Variants in FAT3 observed in about 807,000 individuals in gnomAD.
FAT3 encodes the protein protocadherin Fat 3.
FAT3 carries 95 observed loss-of-function variants against 310.2 expected under a neutral mutation model. The ratio of observed to expected loss-of-function variants is 0.31; its 90% CI spans 0.26 to 0.36. The LOEUF (loss-of-function observed/expected upper bound fraction) is 0.36. Among genes scored for constraint, FAT3 ranks in the 10% least tolerant of loss-of-function variants. The probability of loss-of-function intolerance (pLI) is 1.00; values close to 1 mark genes in which losing one functional copy is unlikely to be tolerated. For missense variants in FAT3, 5,408 were observed against 5,715.6 expected (o/e 0.95, Z 1.74); for synonymous variants, 2,314 against 2,192.9 (o/e 1.06, Z -1.54).
intron 2 of FAT3, among the ~76,000 whole-genome samples, chr11:92,378,294 C>T (rs1949402299): frequency 6.6e-6 from 1 of 152,084 alleles, no homozygotes; most frequent in African/African-American, 2.4e-5. Context: ...GTGTTTAATG[C>T]TCTCTTGGCC....
At chr11:92,358,337 G>A (rs1270165001) in intron 2 of FAT3, among the ~76,000 whole-genome samples, 1 of 152,012 alleles carries the variant, frequency 6.6e-6, no homozygotes, top group East Asian at 1.9e-4. Context: ...GGTCACATAG[G>A]CTTTAAAGGA....
chr11:92,688,486 C>T (rs139439625), intron 3 of FAT3, among the ~76,000 whole-genome samples: 2 of 152,306 alleles, frequency 1.3e-5, no homozygotes, highest in Admixed American at 6.5e-5. Flanking sequence ...ATTCTCACCC[C>T]TAGCTGAACA....
At chr11:92,297,362 C>T (rs1946877025) in intron 1 of FAT3, among the ~76,000 whole-genome samples, 1 of 152,102 alleles carries the variant, frequency 6.6e-6, no homozygotes, top group African/African-American at 2.4e-5. Context: ...CCCCTAGTAT[C>T]TAACACTGAG....
Position 92,392,503 on chromosome 11 carries a change from C to G in FAT3, c.3292+37099C>G, listed in dbSNP as rs191312775. Among the ~76,000 whole-genome samples, 299 of 152,182 alleles carry G rather than the reference C, an allele frequency of 2.0e-3. 2 individuals carry two copies. Among genetic ancestry groups the G allele is most frequent in the African/African-American group, 6.8e-3 (282 of 41,534 alleles). On this transcript the variant is annotated intron_variant, in intron 2 of 27. Coordinates refer to ENST00000525166, the MANE Select transcript of FAT3 (RefSeq NM_001367949.2). ...CTGACCGCAATTTATCCTTGGGACT[C>G]AGGGTATCTGTCTCTTGCTCTCTAC...
At chr11:92,691,069 G>C (rs1161252855) in intron 3 of FAT3, among the ~76,000 whole-genome samples, 1 of 152,162 alleles carries the variant, frequency 6.6e-6, no homozygotes, top group South Asian at 2.1e-4. Context: ...GCACTGCCGG[G>C]CACAGAACCA....
In FAT3 at chr11:92,540,641, C is replaced by T. The variant is rs571881890; in HGVS notation, c.3607+15693C>T. On this transcript the variant is annotated intron_variant, in intron 3 of 27. Coordinates refer to ENST00000525166, the MANE Select transcript of FAT3 (RefSeq NM_001367949.2). ...TCTGTGTCTTCAAGTTGTTCATATA[C>T]CTTCAAAGTAGTGTTCATGCAAGTT... Among the ~76,000 whole-genome samples, 22 of 152,218 alleles carry T rather than the reference C, an allele frequency of 1.4e-4. No homozygotes were observed. In the South Asian group the frequency reaches 4.6e-3, roughly 32 times the overall value.
intron 13 of FAT3, among the ~76,000 whole-genome samples, chr11:92,826,974 C>A (rs1948119428): frequency 6.6e-6 from 1 of 152,090 alleles, no homozygotes; most frequent in Non-Finnish European, 1.5e-5. Flanking sequence ...TTTTAAAGAC[C>A]AGATCAAAAA....
intron 10 of FAT3, 88 bp downstream of exon 10, chr11:92,801,997 G>A: frequency 7.8e-7 from 1 of 1,274,436 alleles, no homozygotes; most frequent in Non-Finnish European, 1.1e-6. Context: ...AGAGAAGGAA[G>A]ATGGGATAAG....
intron 3 of FAT3, among the ~76,000 whole-genome samples, chr11:92,661,680 A>G (rs1363864146): frequency 2.0e-5 from 3 of 152,128 alleles, no homozygotes; most frequent in Admixed American, 6.5e-5. Flanking sequence ...GGAAGCATCA[A>G]GAAATTCATG....
intron 3 of FAT3, among the ~76,000 whole-genome samples, chr11:92,641,561 G>A (rs1360281076): frequency 2.6e-5 from 4 of 152,074 alleles, no homozygotes; most frequent in African/African-American, 9.7e-5. Flanking sequence ...TCCAATCTCG[G>A]CCTCTGTCTT....
chr11:92,696,247 G>T (rs1310931946), intron 3 of FAT3, among the ~76,000 whole-genome samples: 1 of 152,110 alleles, frequency 6.6e-6, no homozygotes, highest in Admixed American at 6.6e-5. Flanking sequence ...TGGAAACACA[G>T]GTTTTCCTCC....
In FAT3 at chr11:92,683,306, G is replaced by A. The variant is rs567753826; in HGVS notation, c.3608-14078G>A. 1.1e-4 allele frequency among the ~76,000 whole-genome samples: 17 copies of A among 152,284 alleles called. No individual in the cohort carries two copies. The South Asian group carries it at 2.5e-3, about 22-fold the overall frequency. On this transcript the variant is annotated intron_variant, in intron 3 of 27. Transcript: ENST00000525166. ...CTGATTGCATGCCCCTAAAGGAAAG[G>A]ATATTTCTTTTCTTCCATTTCCAAC...
chr11:92,501,516 C>A (rs1004434200), intron 2 of FAT3, among the ~76,000 whole-genome samples: 2 of 151,908 alleles, frequency 1.3e-5, no homozygotes, highest in Non-Finnish European at 2.9e-5. Context: ...CATTAAATGG[C>A]GGTATTCATG....
chr11:92,626,308 A>G (rs1301154056), intron 3 of FAT3, among the ~76,000 whole-genome samples: 1 of 152,170 alleles, frequency 6.6e-6, no homozygotes, highest in African/African-American at 2.4e-5. Flanking sequence ...TGCTAGCCTG[A>G]TTTAATTCCC....
At chr11:92,377,262 G>A (rs1949372827) in intron 2 of FAT3, among the ~76,000 whole-genome samples, 3 of 152,154 alleles carry the variant, frequency 2.0e-5, no homozygotes, top group Admixed American at 6.5e-5. Context: ...TTAGTTTATA[G>A]TTATAATAAA....
At chr11:92,745,757 G>A (rs1472648082) in intron 4 of FAT3, among the ~76,000 whole-genome samples, 1 of 152,190 alleles carries the variant, frequency 6.6e-6, no homozygotes, top group African/African-American at 2.4e-5. Context: ...TAAACACAGG[G>A]AAGAAAAGAT....
intron 1 of FAT3, among the ~76,000 whole-genome samples, chr11:92,274,927 G>A (rs887690194): frequency 8.5e-5 from 13 of 152,084 alleles, no homozygotes; most frequent in Admixed American, 3.9e-4. Context: ...ATGAAAGCAC[G>A]GCAACTTTGT....
chr11:92,799,823 A>G lies in FAT3; in HGVS notation c.6810A>G (p.Glu2270=). ...ASDALTGARA[E]VTVDLLVNDV... ...ACGCCCTTACTGGTGCTAGGGCTGAAGTCACTGTTGACTTGCTAGTTAATG... is the reference window on the plus strand; with the variant it reads ...ACGCCCTTACTGGTGCTAGGGCTGAGGTCACTGTTGACTTGCTAGTTAATG... The change falls in exon 10 of 28, where the codon GAA becomes GAG. Residue 2270 remains glutamate (E), a synonymous_variant. Transcript: ENST00000525166. The G allele has an allele frequency of 6.2e-7, 1 of 1,613,372 alleles. No individual in the cohort carries two copies. Among genetic ancestry groups the G allele is most frequent in the Non-Finnish European group, 8.5e-7 (1 of 1,179,636 alleles).
intron 1 of FAT3, among the ~76,000 whole-genome samples, chr11:92,278,062 A>G (rs1946324198): frequency 6.6e-6 from 1 of 152,244 alleles, no homozygotes; most frequent in South Asian, 2.1e-4. Context: ...CCTGGCTTAT[A>G]GAGTCAGACC....
Sources: gnomAD v4.1 joint callset for allele counts (sites outside exome capture counted in the v4.1 genomes callset) on GRCh38, gnomAD v4.1.1 for gene constraint, MANE v1.5 for transcripts, NCBI Gene and HGNC (gene_info 2026-07-23, HGNC 2026-07-21) for gene names.